The following MAK variants were observed in gnomAD, a reference collection of about 807,000 sequenced individuals.
MAK encodes the protein male germ cell associated kinase, also known as serine/threonine-protein kinase MAK.
MAK carries 65 observed loss-of-function variants against 82.6 expected under a neutral mutation model. The ratio of observed to expected loss-of-function variants is 0.79; its 90% CI spans 0.64 to 0.97. The LOEUF (loss-of-function observed/expected upper bound fraction) is 0.97. MAK is among the 50% of genes least tolerant of loss of function. MAK has a pLI of 0.00. For synonymous variants in MAK, 250 were observed against 274.2 expected (o/e 0.91, Z 0.87); for missense variants, 703 against 780.2 (o/e 0.90, Z 1.18).
chr6:10,835,304 G>C (rs1779083048), intron 1 of MAK, among the ~76,000 whole-genome samples: 1 of 152,182 alleles, frequency 6.6e-6, no homozygotes, highest in African/African-American at 2.4e-5. Context: ...CGGATGCCCA[G>C]GCTGGAGTGT....
intron 11 of MAK, among the ~76,000 whole-genome samples, chr6:10,778,216 T>C (rs1221141260): frequency 7.9e-5 from 12 of 152,130 alleles, no homozygotes; most frequent in Admixed American, 7.9e-4. Flanking sequence ...CTAAACAAAA[T>C]AGACCAGTTT....
intron 10 of MAK, among the ~76,000 whole-genome samples, chr6:10,789,628 G>A (rs1390673315): frequency 6.6e-6 from 1 of 152,100 alleles, no homozygotes; most frequent in Non-Finnish European, 1.5e-5. Context: ...ACAATATATT[G>A]TAATAAAAGT....
chr6:10,788,468 A>T (rs547425436), intron 10 of MAK, among the ~76,000 whole-genome samples: 3 of 152,216 alleles, frequency 2.0e-5, no homozygotes, highest in Non-Finnish European at 4.4e-5. Flanking sequence ...GCGGTGGCTC[A>T]TGCCTGTAAT....
chr6:10,764,912 G>C (rs1772256710), intron 14 of MAK, among the ~76,000 whole-genome samples: 4 of 152,104 alleles, frequency 2.6e-5, no homozygotes, highest in African/African-American at 4.8e-5. Flanking sequence ...GGCCAACATG[G>C]TGAAACCCTG....
intron 2 of MAK, among the ~76,000 whole-genome samples, chr6:10,828,808 G>A (rs986589602): frequency 6.6e-6 from 1 of 151,944 alleles, no homozygotes; most frequent in Admixed American, 6.6e-5. Context: ...AAAAAAGAGG[G>A]GGGAAATGTG....
intron 14 of MAK, among the ~76,000 whole-genome samples, chr6:10,769,592 C>T (rs989332364): frequency 6.6e-5 from 10 of 152,222 alleles, no homozygotes; most frequent in African/African-American, 1.9e-4. Flanking sequence ...AGACACACCT[C>T]ATGTTAACTC....
chr6:10,788,497 C>T (rs1046628371), intron 10 of MAK, among the ~76,000 whole-genome samples: 4 of 152,018 alleles, frequency 2.6e-5, no homozygotes, highest in Non-Finnish European at 5.9e-5. Context: ...TTTTGGAGGC[C>T]GAGGCAGGTG....
intron 14 of MAK, 55 bp from the exon 15 acceptor site, chr6:10,764,661 A>C: frequency 6.8e-7 from 1 of 1,478,800 alleles, no homozygotes; most frequent in Non-Finnish European, 9.4e-7. Context: ...TATCAAACTC[A>C]AAATAAAGAA....
At chr6:10,801,851 C>T (rs1776038530) in intron 8 of MAK, 41 bp downstream of exon 8, 3 of 1,598,590 alleles carry the variant, frequency 1.9e-6, no homozygotes, top group African/African-American at 2.7e-5. Context: ...TATTACAAAA[C>T]CTAAACATTT....
intron 4 of MAK, among the ~76,000 whole-genome samples, chr6:10,815,699 C>T (rs548555746): frequency 1.3e-5 from 2 of 151,868 alleles, no homozygotes; most frequent in East Asian, 3.9e-4. Context: ...GGGGCTCAAG[C>T]AATCCTCCCG....
chr6:10,828,371 G>A (rs1327659914), intron 2 of MAK, among the ~76,000 whole-genome samples: 1 of 152,124 alleles, frequency 6.6e-6, no homozygotes, highest in African/African-American at 2.4e-5. Flanking sequence ...CTGTAAAAGG[G>A]AATTGAGGTG....
rs7746679 is a variant in MAK, at chr6:10,800,214, G to T, written c.831+1678C>A. Among the ~76,000 whole-genome samples the T allele has an allele frequency of 0.036, 5,387 of 151,352 alleles. 250 individuals carry two copies. Among genetic ancestry groups the T allele is most frequent in the African/African-American group, 0.12 (4,972 of 41,284 alleles). On this transcript the variant is annotated intron_variant, in intron 8 of 14. Transcript: ENST00000354489. This position sits in a 1 kb window ranked among gnomAD's most constrained non-coding sequence, Gnocchi z 4.2. Reference sequence around the variant, plus strand: ...CCAGGAGGCGGAGGTTGCAGTGAGTGGAGATCATGCCACTACACTCCAGCC... The same window carrying T: ...CCAGGAGGCGGAGGTTGCAGTGAGTTGAGATCATGCCACTACACTCCAGCC...
intron 2 of MAK, among the ~76,000 whole-genome samples, chr6:10,825,187 G>A (rs12196416): frequency 1.3e-5 from 2 of 152,130 alleles, no homozygotes; most frequent in African/African-American, 4.8e-5. Context: ...GTGGTCATTA[G>A]GTGACACATT....
intron 10 of MAK, among the ~76,000 whole-genome samples, chr6:10,788,733 C>T (rs989950065): frequency 1.3e-4 from 20 of 151,862 alleles, no homozygotes; most frequent in African/African-American, 4.6e-4. Flanking sequence ...GACATTCCGT[C>T]TCAAAAAGAA....
In MAK at chr6:10,784,498, A is replaced by C; in HGVS notation, c.1391T>G (p.Leu464Arg). 6.2e-7 allele frequency: 1 copy of C among 1,614,172 alleles called. No individual in the cohort carries two copies. The highest frequency in any genetic ancestry group is 2.2e-5 in the East Asian group (1 of 44,886). Reference sequence around the variant, plus strand: ...AGTTGACAATTCGGAATCAGATTTTAGGGAAGTAACAGCAGGTAAGCTCTT... The same window carrying C: ...AGTTGACAATTCGGAATCAGATTTTCGGGAAGTAACAGCAGGTAAGCTCTT... ...ENKSLPAVTSLKSDSELSTAP... is the reference protein window; with the variant it reads ...ENKSLPAVTSRKSDSELSTAP... The change falls in exon 11 of 15, where the codon CTA (leucine) becomes CGA (arginine). Residue 464 changes from leucine to arginine, a missense_variant. Coordinates refer to ENST00000354489, the MANE Select transcript of MAK (RefSeq NM_001242957.3).
At position 10,796,050 on chromosome 6, in the gene MAK, T is replaced by C; in HGVS notation, c.1091A>G (p.Gln364Arg). 6.2e-7 allele frequency: 1 copy of C among 1,614,164 alleles called. No homozygotes were observed. The highest frequency in any genetic ancestry group is 8.5e-7 in the Non-Finnish European group (1 of 1,179,980). ...GAATAGCGTTTGTGGCGGTTTCTCC[T>C]GACTCTGTTGCTTTGGAGGTTGCTG... The part of the protein sequence containing the change: ...SVQQPPKQQS[Q>R]EKPPQTLFPS... Residue 364 changes from glutamine to arginine, a missense_variant, in exon 9 of 15, where the codon CAG becomes CGG. Transcript: ENST00000354489.
At chr6:10,811,091 C>G (rs1438762787) in intron 5 of MAK, among the ~76,000 whole-genome samples, 1 of 152,116 alleles carries the variant, frequency 6.6e-6, no homozygotes, top group Non-Finnish European at 1.5e-5. Context: ...CTCCGCCTCC[C>G]GGGTTCAAGC....
chr6:10,780,589 G>C (rs1773874692), intron 11 of MAK, among the ~76,000 whole-genome samples: 1 of 151,430 alleles, frequency 6.6e-6, no homozygotes, highest in Admixed American at 6.6e-5. Flanking sequence ...TGAGTAGCTG[G>C]GATTACAGGC....
chr6:10,817,785 C>A, intron 4 of MAK, 65 bp downstream of exon 4: 1 of 1,275,642 alleles, frequency 7.8e-7, no homozygotes. Flanking sequence ...TAAAGTATGA[C>A]ATATCAAAAG....
Sources: gnomAD v4.1 joint callset for allele counts (sites outside exome capture counted in the v4.1 genomes callset) on GRCh38, gnomAD v4.1.1 for gene constraint, Gnocchi (gnomAD v3.1) non-coding constraint, MANE v1.5 for transcripts, NCBI Gene and HGNC (gene_info 2026-07-23, HGNC 2026-07-21) for gene names.